Variants in SHE observed in about 807,000 individuals in gnomAD.
SHE encodes the protein Src homology 2 domain containing E, also known as SH2 domain-containing adapter protein E.
Under a neutral mutation model 49.8 loss-of-function variants are expected in SHE, and 11 were observed. The observed-to-expected ratio is 0.22, with a 90% CI of 0.14 to 0.37. The LOEUF (loss-of-function observed/expected upper bound fraction) is 0.37, where lower values mean the gene tolerates loss of function less well. SHE is among the 10% of genes least tolerant of loss of function. The pLI is 1.00. For synonymous variants in SHE, 310 were observed against 278.1 expected (o/e 1.11, Z -1.14); for missense variants, 624 against 655.5 (o/e 0.95, Z 0.52).
chr1:154,499,338 G>T lies in SHE; in HGVS notation c.592-100C>A, dbSNP rs1160765270. On this transcript the variant is annotated intron_variant, in intron 1 of 5. Transcript: ENST00000304760. ...TGACATCTCCTGCATATCCAAGGAG[G>T]TCAAAATCTCTATAACCAGTTCCAG... 5 of 1,363,478 alleles carry T rather than the reference G, an allele frequency of 3.7e-6. No homozygotes were observed. The Admixed American group carries it at 1.1e-4, about 30-fold the overall frequency. The allele number at this position is 1,363,478 out of a possible 1,614,324, so 84.5% of individuals were successfully genotyped here.
At chr1:154,486,715 C>T (rs1432640247) in intron 3 of SHE, 32 bp from the exon 4 acceptor site, 1 of 1,611,748 alleles carries the variant, frequency 6.2e-7, no homozygotes, top group Non-Finnish European at 8.5e-7. Flanking sequence ...ACATCACAGG[C>T]CACTGCGGTG....
In SHE at chr1:154,486,552, G is replaced by A. The variant is rs1251427818; in HGVS notation, c.1156C>T (p.Pro386Ser). 1.2e-6 allele frequency: 2 copies of A among 1,614,096 alleles called. No homozygotes were observed. Among genetic ancestry groups the A allele is most frequent in the South Asian group, 2.2e-5 (2 of 91,072 alleles). ...GGCTGCTTCTCCAGGGGCAGGCCCG[G>A]GTCCACTTTCTCTCCCTCACTGTGG... is the stretch of plus-strand genomic sequence containing the variant. ...SDHSEGEKVD[P>S]GLPLEKQPWY... is the part of the protein sequence containing the mutation. Residue 386 changes from proline to serine, a missense_variant, in exon 4 of 6, where the codon CCG becomes TCG. By Grantham distance (74) the Pro-to-Ser change is moderately conservative (BLOSUM62 -1). Around this residue, in one of 4 missense-constraint regions of SHE, gnomAD observed 125 missense variants for 181.7 expected, o/e 0.69. Coordinates refer to ENST00000304760, the MANE Select transcript of SHE (RefSeq NM_001010846.3).
intron 2 of SHE, among the ~76,000 whole-genome samples, chr1:154,493,440 G>A (rs1186185439): frequency 6.6e-6 from 1 of 152,216 alleles, no homozygotes; most frequent in African/African-American, 2.4e-5. Context: ...AGCCTGAGAA[G>A]GAGGAAATGG....
In SHE at chr1:154,479,778, T is replaced by C. The variant is rs1691971246; in HGVS notation, c.*4371A>G. On this transcript the variant is annotated 3_prime_UTR_variant, in exon 6 of 6. Coordinates refer to ENST00000304760, the MANE Select transcript of SHE (RefSeq NM_001010846.3). ...ATGATTCTGTTGCCAGCATATTAAT[T>C]AAAATACAATTTGAGATTCTAAATT... 1 of 985,420 alleles carries C rather than the reference T, an allele frequency of 1.0e-6. No individual in the cohort carries two copies. Among genetic ancestry groups the C allele is most frequent in the Non-Finnish European group, 1.2e-6 (1 of 829,922 alleles). The allele number at this position is 985,420 out of a possible 1,614,324, so 61.0% of individuals were successfully genotyped here.
rs758091162 is a variant in SHE at position 154,486,017 on chromosome 1, T to C, written c.1227A>G (p.Leu409=). Residue 409 remains leucine (L), a synonymous_variant, in exon 5 of 6, where the codon CTA becomes CTG. Coordinates refer to ENST00000304760, the MANE Select transcript of SHE (RefSeq NM_001010846.3). ...AISRAEAESR[L]QPCKEAGYLV... The stretch of plus-strand genomic sequence containing the variant: ...GGTAACCAGCTTCTTTGCAGGGCTG[T>C]AGTCGACTCTCAGCCTCAGCACGGC... 7 of 1,614,112 alleles carry C rather than the reference T, an allele frequency of 4.3e-6. No homozygotes were observed. The Admixed American group carries it at 1.0e-4, about 23-fold the overall frequency.
Position 154,489,279 on chromosome 1 carries a change from CGT to C in SHE, c.794_795del (p.Asp265GlyfsTer80). 1 of 1,614,230 alleles carries C rather than the reference CGT, an allele frequency of 6.2e-7. No individual in the cohort carries two copies. The highest frequency in any genetic ancestry group is 8.5e-7 in the Non-Finnish European group (1 of 1,180,034). On this transcript the variant is annotated frameshift_variant, in exon 3 of 6. Transcript: ENST00000304760. LOFTEE classifies it high-confidence loss of function. Reference sequence around the variant, plus strand: ...GCCAAGGTCTCTGATTTCAGGCCACCGTCTGCGGGTTCACAGGGACTGTCAAG... The same window carrying C: ...GCCAAGGTCTCTGATTTCAGGCCACCCTGCGGGTTCACAGGGACTGTCAAG... ...QLLDSPCEPA[D>X]GGLKSETLAK...
rs982403409 is a variant in SHE at position 154,481,662 on chromosome 1, G to A, written c.*2487C>T. ...TTGTAGAATAAGGTTAAGTAAAAAC[G>A]TTTCATTTCTAGAATGTTAAACTAA... On this transcript the variant is annotated 3_prime_UTR_variant, in exon 6 of 6. Coordinates refer to ENST00000304760, the MANE Select transcript of SHE (RefSeq NM_001010846.3). 23 of 977,342 alleles carry A rather than the reference G, an allele frequency of 2.4e-5. No homozygotes were observed. The highest frequency in any genetic ancestry group is 2.4e-5 in the Non-Finnish European group (20 of 822,876). The allele number at this position is 977,342 out of a possible 1,614,324, so 60.5% of individuals were successfully genotyped here.
rs1692086262 is a variant in SHE, at chr1:154,483,771, C to A, written c.*378G>T. On this transcript the variant is annotated 3_prime_UTR_variant, in exon 6 of 6. Coordinates refer to ENST00000304760, the MANE Select transcript of SHE (RefSeq NM_001010846.3). ...CTCGGGGAGACTGAGGTGGGTGGATCATTTGAGGTCAGGAGTTTGAGACCA... is the reference window on the plus strand; with the variant it reads ...CTCGGGGAGACTGAGGTGGGTGGATAATTTGAGGTCAGGAGTTTGAGACCA... 3 of 987,908 alleles carry A rather than the reference C, an allele frequency of 3.0e-6. No individual in the cohort carries two copies. Among genetic ancestry groups the A allele is most frequent in the Non-Finnish European group, 3.6e-6 (3 of 822,786 alleles). 61.2% of individuals were successfully genotyped at this position (987,908 alleles called of 1,614,324 possible). A position where few individuals can be genotyped will look rare whatever the true frequency, so the allele number is the denominator to read the frequency against.
chr1:154,485,972 T>C lies in SHE; in HGVS notation c.1272A>G (p.Ser424=). 2 of 1,614,158 alleles carry C rather than the reference T, an allele frequency of 1.2e-6. No individual in the cohort carries two copies. Among genetic ancestry groups the C allele is most frequent in the Non-Finnish European group, 1.7e-6 (2 of 1,179,988 alleles). ...EAGYLVRNSE[S]GNSRYSIALK... ...GGGCAATGGAGTACCTGCTGTTCCC[T>C]GACTCACTATTTCGAACCAGGTAAC... is the stretch of plus-strand genomic sequence containing the variant. The change falls in exon 5 of 6, where the codon TCA becomes TCG. Residue 424 remains serine, a synonymous_variant. Coordinates refer to ENST00000304760, the MANE Select transcript of SHE (RefSeq NM_001010846.3).
chr1:154,483,882 C>T lies in SHE; in HGVS notation c.*267G>A. On this transcript the variant is annotated 3_prime_UTR_variant, in exon 6 of 6. Coordinates refer to ENST00000304760, the MANE Select transcript of SHE (RefSeq NM_001010846.3). ...GAGTGGTGGTGCGAACCTATAGTCC[C>T]ACCTACTTGGGAGGCTGATGGGGAA... is the stretch of plus-strand genomic sequence containing the variant. 9.6e-7 allele frequency: 1 copy of T among 1,044,626 alleles called. No homozygotes were observed. The highest frequency in any genetic ancestry group is 1.2e-6 in the Non-Finnish European group (1 of 808,232). 64.7% of individuals were successfully genotyped at this position (1,044,626 alleles called of 1,614,324 possible). A position where few individuals can be genotyped will look rare whatever the true frequency, so the allele number is the denominator to read the frequency against.
At chr1:154,470,396 G>C (rs999388852) in intron 1 of SHE, 4 of 1,288,980 alleles carry the variant, frequency 3.1e-6, no homozygotes, top group Middle Eastern at 2.1e-4. Context: ...GCAGTTACTG[G>C]AGCAGCCTTC....
Position 154,483,149 on chromosome 1 carries a change from A to G in SHE, c.*1000T>C. 2.0e-6 allele frequency: 2 copies of G among 985,316 alleles called. No individual in the cohort carries two copies. The highest frequency in any genetic ancestry group is 9.4e-5 in the South Asian group (2 of 21,290). 61.0% of individuals were successfully genotyped at this position (985,316 alleles called of 1,614,324 possible). ...AATAATGATGCCAATGCCTAATGAT[A>G]TTGGTGATTCTTAAACCTGGGGTAT... On this transcript the variant is annotated 3_prime_UTR_variant, in exon 6 of 6. Transcript: ENST00000304760.
chr1:154,471,809 G>C (rs1308177962), intron 1 of SHE, among the ~76,000 whole-genome samples: 1 of 151,624 alleles, frequency 6.6e-6, no homozygotes, highest in Non-Finnish European at 1.5e-5. Context: ...CCAATGTCCT[G>C]AAAAAAAATA....
At chr1:154,496,093 A>C (rs1692520714) in intron 2 of SHE, among the ~76,000 whole-genome samples, 1 of 152,234 alleles carries the variant, frequency 6.6e-6, no homozygotes, top group Non-Finnish European at 1.5e-5. Flanking sequence ...TTTTATTTCT[A>C]GCTTCCGATA....
downstream of SHE, among the ~76,000 whole-genome samples, chr1:154,478,386 A>G (rs1162349287): frequency 6.8e-6 from 1 of 147,726 alleles, no homozygotes; most frequent in Non-Finnish European, 1.5e-5. Context: ...TGAACAGACA[A>G]CTCAGTCTAT....
intron 2 of SHE, among the ~76,000 whole-genome samples, chr1:154,491,949 G>A (rs1692380493): frequency 6.6e-6 from 1 of 152,066 alleles, no homozygotes; most frequent in Non-Finnish European, 1.5e-5. Context: ...GGAGGAAGAG[G>A]CTCAGGAGAC....
At chr1:154,489,926 C>T (rs367615603) in intron 2 of SHE, among the ~76,000 whole-genome samples, 11 of 152,352 alleles carry the variant, frequency 7.2e-5, no homozygotes, top group Non-Finnish European at 1.5e-5. Flanking sequence ...AAGTTTTGAA[C>T]ATCTCATGTG....
Position 154,481,105 on chromosome 1 carries a change from C to T in SHE, c.*3044G>A. On this transcript the variant is annotated 3_prime_UTR_variant, in exon 6 of 6. Transcript: ENST00000304760. Reference sequence around the variant, plus strand: ...TGACAAAAAGCCAGAGCATTCAGAGCTCAGAGAACATGTCACAGAGCTTCA... The same window carrying T: ...TGACAAAAAGCCAGAGCATTCAGAGTTCAGAGAACATGTCACAGAGCTTCA... 2.0e-6 allele frequency: 2 copies of T among 985,422 alleles called. No homozygotes were observed. Among genetic ancestry groups the T allele is most frequent in the Non-Finnish European group, 2.4e-6 (2 of 829,930 alleles). 61.0% of individuals were successfully genotyped at this position (985,422 alleles called of 1,614,324 possible). A position where few individuals can be genotyped will look rare whatever the true frequency, so the allele number is the denominator to read the frequency against.
intron 1 of SHE, among the ~76,000 whole-genome samples, 167 bp from the exon 2 acceptor site, chr1:154,499,405 C>G (rs767455253): frequency 1.3e-5 from 2 of 151,812 alleles, no homozygotes; most frequent in Non-Finnish European, 2.9e-5. Context: ...TAGACAAACA[C>G]CTGTTTTTTT....
Sources: allele counts gnomAD v4.1 joint callset (sites outside exome capture counted in the v4.1 genomes callset), GRCh38; gene constraint gnomAD v4.1.1; regional missense constraint gnomAD v4.1.1; transcripts MANE v1.5; gene names NCBI Gene and HGNC (gene_info 2026-07-23, HGNC 2026-07-21).